Variants in GRIP2 observed in about 807,000 individuals in gnomAD.
GRIP2 encodes the protein glutamate receptor interacting protein 2, also known as glutamate receptor-interacting protein 2.
Under a neutral mutation model 108.3 loss-of-function variants are expected in GRIP2, and 58 were observed. The ratio of observed to expected loss-of-function variants is 0.54; its 90% CI spans 0.43 to 0.67. The LOEUF is 0.67. Ranked by LOEUF, GRIP2 falls within the 30% of genes least tolerant of loss-of-function variation. The pLI, the probability that GRIP2 is intolerant of heterozygous loss-of-function variation, is 0.00. For synonymous variants in GRIP2, 586 were observed against 598.2 expected (o/e 0.98, Z 0.30); for missense variants, 1,278 against 1,430.6 (o/e 0.89, Z 1.72).
the GRIP2 span, among the ~76,000 whole-genome samples, chr3:14,575,848 G>A: frequency 6.6e-6 from 1 of 152,250 alleles, no homozygotes; most frequent in Non-Finnish European, 1.5e-5. Context: ...GGAAGCTTCA[G>A]GCCCATCCTC....
At chr3:14,560,259 A>G (rs1406600891), upstream of GRIP2, among the ~76,000 whole-genome samples, 1 of 152,140 alleles carries the variant, frequency 6.6e-6, no homozygotes, top group Non-Finnish European at 1.5e-5. Flanking sequence ...GTCTAAAAAA[A>G]CCCAGCAACA....
In GRIP2 at chr3:14,517,909, G is replaced by A. The variant is rs376964784; in HGVS notation, c.1031-12C>T. 3.9e-5 allele frequency: 60 copies of A among 1,533,054 alleles called. No homozygotes were observed. The African/African-American group carries it at 5.1e-4, about 13-fold the overall frequency. The allele number at this position is 1,533,054 out of a possible 1,614,324, so 95.0% of individuals were successfully genotyped here. ...CCTCTGCACTTTCACTGTAGCCAGC[G>A]GAGAAAGAGGAAAGAGAGGTGCAGG... On this transcript the variant is annotated splice_polypyrimidine_tract_variant and intron_variant, in intron 9 of 23. Transcript: ENST00000621039.
the GRIP2 span, among the ~76,000 whole-genome samples, chr3:14,564,782 C>T: frequency 6.6e-6 from 1 of 152,226 alleles, no homozygotes; most frequent in African/African-American, 2.4e-5. Flanking sequence ...CCTTCTTCAA[C>T]ACCCCACCAC....
intron 1 of GRIP2, among the ~76,000 whole-genome samples, chr3:14,553,480 C>G (rs139893431): frequency 6.6e-6 from 1 of 152,118 alleles, no homozygotes; most frequent in East Asian, 1.9e-4. Context: ...TCCTTAAATA[C>G]GCAGCTCTGG....
At chr3:14,597,547 T>A in the GRIP2 span, among the ~76,000 whole-genome samples, 1 of 152,172 alleles carries the variant, frequency 6.6e-6, no homozygotes, top group Non-Finnish European at 1.5e-5. Flanking sequence ...AGGCTTTTTT[T>A]ATGTGTTTTG....
At chr3:14,546,366 CTA>C (rs766038847), upstream of GRIP2, among the ~76,000 whole-genome samples, 32 of 152,104 alleles carry the variant, frequency 2.1e-4, no homozygotes, top group Admixed American at 6.5e-4. Flanking sequence ...GACCTAACTT[CTA>C]TTTTGCAATG....
intron 1 of GRIP2, among the ~76,000 whole-genome samples, chr3:14,527,864 C>A (rs1694606566): frequency 6.6e-6 from 1 of 151,712 alleles, no homozygotes; most frequent in Middle Eastern, 3.2e-3. Flanking sequence ...CCACATCACT[C>A]CAGTCTGGGT....
chr3:14,494,629 CA>C lies in GRIP2; in HGVS notation c.2970+213del, dbSNP rs772276117. On this transcript the variant is annotated intron_variant, in intron 23 of 23. Coordinates refer to ENST00000621039, the MANE Select transcript of GRIP2 (RefSeq NM_001080423.4). Reference sequence around the variant, plus strand: ...CAGCCCGGGACAAGAAGGCCCCCACCAGCCCACAATGGGCATGGGGTGTAAG... The same window carrying C: ...CAGCCCGGGACAAGAAGGCCCCCACCGCCCACAATGGGCATGGGGTGTAAG... Among the ~76,000 whole-genome samples, 51 of 152,348 alleles carry C rather than the reference CA, an allele frequency of 3.3e-4. 1 individual carries two copies. Among genetic ancestry groups the C allele is most frequent in the Admixed American group, 6.5e-4 (10 of 15,308 alleles).
intron 1 of GRIP2, among the ~76,000 whole-genome samples, chr3:14,548,876 A>C (rs1197988363): frequency 6.6e-6 from 1 of 152,202 alleles, no homozygotes; most frequent in East Asian, 1.9e-4. Flanking sequence ...CCCTTTGCAC[A>C]GACTCTTCCC....
upstream of GRIP2, among the ~76,000 whole-genome samples, chr3:14,557,776 CA>C (rs1439165544): frequency 3.3e-5 from 5 of 152,218 alleles, no homozygotes; most frequent in Non-Finnish European, 7.3e-5. Context: ...CTTAGCTGTG[CA>C]AACAGAGAGG....
At chr3:14,601,081 CACACACACACGA>C in the GRIP2 span, among the ~76,000 whole-genome samples, 6 of 152,034 alleles carry the variant, frequency 3.9e-5, no homozygotes, top group East Asian at 1.2e-3. Context: ...CACACACACA[CACACACACACGA>C]ACACACACAC....
chr3:14,528,816 C>G (rs1270783465), intron 1 of GRIP2, among the ~76,000 whole-genome samples: 1 of 152,128 alleles, frequency 6.6e-6, no homozygotes, highest in Non-Finnish European at 1.5e-5. Context: ...TCATCTATAT[C>G]TTCTTTGGGG....
At chr3:14,549,642 G>T (rs1695112320) in intron 1 of GRIP2, among the ~76,000 whole-genome samples, 1 of 152,182 alleles carries the variant, frequency 6.6e-6, no homozygotes, top group African/African-American at 2.4e-5. Context: ...GAGAAAATGG[G>T]AACATAAGCC....
chr3:14,540,457 C>G (rs2124961253), upstream of GRIP2: 1 of 1,545,954 alleles, frequency 6.5e-7, no homozygotes, highest in Non-Finnish European at 8.7e-7. This position sits in a 1 kb window ranked among gnomAD's most constrained non-coding sequence, Gnocchi z 4.1. Flanking sequence ...GCGGGCGGCT[C>G]TCTGCTTAAA....
intron 21 of GRIP2, among the ~76,000 whole-genome samples, chr3:14,498,551 C>A (rs998245927): frequency 6.6e-6 from 1 of 152,096 alleles, no homozygotes; most frequent in Admixed American, 6.6e-5. Context: ...AATGAGGAGG[C>A]AGAGAAGCAC....
intron 20 of GRIP2, among the ~76,000 whole-genome samples, chr3:14,504,637 A>G (rs1236815277): frequency 6.6e-6 from 1 of 152,130 alleles, no homozygotes; most frequent in African/African-American, 2.4e-5. Context: ...AGGGGCACGC[A>G]AGCTTTGCTA....
At chr3:14,525,362 A>AT (rs1367755526) in intron 3 of GRIP2, 75 bp downstream of exon 3, 1 of 1,558,012 alleles carries the variant, frequency 6.4e-7, no homozygotes, top group East Asian at 2.2e-5. Flanking sequence ...CCTTCAGTAC[A>AT]TTTTCCACTG....
upstream of GRIP2, among the ~76,000 whole-genome samples, chr3:14,557,027 C>T (rs185460907): frequency 2.6e-5 from 4 of 152,350 alleles, no homozygotes; most frequent in African/African-American, 7.2e-5. Context: ...GACACCCGCT[C>T]GGGAATCATG....
At position 14,493,580 on chromosome 3, in the gene GRIP2, G is replaced by T; in HGVS notation, c.*85C>A. 7.1e-7 allele frequency: 1 copy of T among 1,404,122 alleles called. No homozygotes were observed. The allele number at this position is 1,404,122 out of a possible 1,614,324, so 87.0% of individuals were successfully genotyped here. A position where few individuals can be genotyped will look rare whatever the true frequency, so the allele number is the denominator to read the frequency against. On this transcript the variant is annotated 3_prime_UTR_variant, in exon 24 of 24. Transcript: ENST00000621039. ...GCCAGACCAACAGATGAATGAGTGG[G>T]TGGCCGCTTCTCCAGCCCAGCTACG... is the stretch of plus-strand genomic sequence containing the variant.
Sources: gnomAD v4.1 joint callset for allele counts (sites outside exome capture counted in the v4.1 genomes callset) on GRCh38, gnomAD v4.1.1 for gene constraint, Gnocchi (gnomAD v3.1) non-coding constraint, MANE v1.5 for transcripts, NCBI Gene and HGNC (gene_info 2026-07-23, HGNC 2026-07-21) for gene names.